The following PRKCQ variants were observed in gnomAD, a reference collection of about 807,000 sequenced individuals.
PRKCQ encodes the protein protein kinase C theta, also known as protein kinase C theta type.
A neutral mutation model predicts 91.2 loss-of-function variants in PRKCQ; 41 were observed. The ratio of observed to expected loss-of-function variants is 0.45; its 90% CI spans 0.35 to 0.58. PRKCQ has a LOEUF of 0.58. Ranked by LOEUF, PRKCQ falls within the 20% of genes least tolerant of loss-of-function variation. PRKCQ has a pLI of 0.00. For synonymous variants in PRKCQ, 307 were observed against 316.9 expected, an observed-to-expected ratio of 0.97 and a Z score of 0.33; for missense variants, 673 against 896.5, an observed-to-expected ratio of 0.75 and a Z score of 3.18.
chr10:6,477,251 A>G (rs1180320807), intron 12 of PRKCQ, among the ~76,000 whole-genome samples: 1 of 152,162 alleles, frequency 6.6e-6, no homozygotes, highest in Admixed American at 6.5e-5. Flanking sequence ...CTTGACTCTT[A>G]TTAGAGTGTG....
chr10:6,498,154 C>G (rs140905007), intron 5 of PRKCQ, among the ~76,000 whole-genome samples: 25 of 152,082 alleles, frequency 1.6e-4, no homozygotes, highest in African/African-American at 3.1e-4. Flanking sequence ...AATAGCCCCC[C>G]CATTGAGGCA....
chr10:6,403,294 C>T, the PRKCQ span, among the ~76,000 whole-genome samples: 245 of 152,310 alleles, frequency 1.6e-3, no homozygotes, highest in Non-Finnish European at 2.6e-3. Context: ...CTAAGGAGTT[C>T]GCTGCCAGTG....
At chr10:6,505,536 CTT>C (rs772043946) in intron 4 of PRKCQ, among the ~76,000 whole-genome samples, 2 of 139,656 alleles carry the variant, frequency 1.4e-5, no homozygotes, top group Non-Finnish European at 3.1e-5. Context: ...CTTTCTTTTT[CTT>C]TCTTTTCTTC....
chr10:6,522,994 A>C (rs1379493064), intron 1 of PRKCQ, among the ~76,000 whole-genome samples: 3 of 152,182 alleles, frequency 2.0e-5, no homozygotes, highest in African/African-American at 7.2e-5. Context: ...ATAAAAAAAA[A>C]CTTTTTCACA....
intron 14 of PRKCQ, among the ~76,000 whole-genome samples, chr10:6,458,341 C>T (rs1351603992): frequency 6.6e-6 from 1 of 152,080 alleles, no homozygotes; most frequent in Non-Finnish European, 1.5e-5. Flanking sequence ...CAGTGAGGAC[C>T]CCTGGAGCCA....
chr10:6,535,711 C>G (rs11259425), intron 1 of PRKCQ, among the ~76,000 whole-genome samples: 17,531 of 152,176 alleles, frequency 0.12, 1,119 homozygotes, highest in African/African-American at 0.15. Context: ...TCCACCTCCC[C>G]TCTTGGTCTT....
chr10:6,494,603 C>A (rs1837493442), intron 7 of PRKCQ, among the ~76,000 whole-genome samples: 1 of 152,168 alleles, frequency 6.6e-6, no homozygotes, highest in African/African-American at 2.4e-5. Context: ...ACCTCTTCTT[C>A]TTCTGGTTTC....
chr10:6,426,744 T>C (rs77079988), downstream of PRKCQ, among the ~76,000 whole-genome samples: 498 of 152,326 alleles, frequency 3.3e-3, 5 homozygotes, highest in African/African-American at 0.011. Flanking sequence ...TTTCCAGCCA[T>C]GTGATGAGGT....
At chr10:6,491,900 GATC>G in intron 7 of PRKCQ, 88 bp from the exon 8 acceptor site, 1 of 1,538,376 alleles carries the variant, frequency 6.5e-7, no homozygotes, top group East Asian at 2.3e-5. Flanking sequence ...AACTAACAGA[GATC>G]ATAATGAAAA....
intron 1 of PRKCQ, among the ~76,000 whole-genome samples, chr10:6,538,587 G>C (rs61841305): frequency 1.3e-5 from 2 of 152,192 alleles, no homozygotes; most frequent in Non-Finnish European, 2.9e-5. Flanking sequence ...CTAAGATAAT[G>C]GGGGCCTTTC....
chr10:6,497,253 T>C lies in PRKCQ; in HGVS notation c.543-2A>G. The C allele has an allele frequency of 6.2e-7, 1 of 1,614,162 alleles. No homozygotes were observed. The highest frequency in any genetic ancestry group is 8.5e-7 in the Non-Finnish European group (1 of 1,180,010). ...TGGTAGCCCTGTTTGTTCAGGCCCC[T>C]GTAATAAAGCACACGCTGATTTATT... is the stretch of plus-strand genomic sequence containing the variant. On this transcript the variant is annotated splice_acceptor_variant, in intron 5 of 17. Coordinates refer to ENST00000263125, the MANE Select transcript of PRKCQ (RefSeq NM_006257.5). LOFTEE classifies it high-confidence loss of function. This position sits in a 1 kb window ranked among gnomAD's most constrained non-coding sequence, Gnocchi z 4.5.
chr10:6,562,225 G>C (rs1372434189), intron 1 of PRKCQ, among the ~76,000 whole-genome samples: 1 of 152,154 alleles, frequency 6.6e-6, no homozygotes, highest in Non-Finnish European at 1.5e-5. Flanking sequence ...CCTCATAAAT[G>C]CCCCGGTCAG....
At chr10:6,410,091 G>T in the PRKCQ span, among the ~76,000 whole-genome samples, 2 of 152,060 alleles carry the variant, frequency 1.3e-5, no homozygotes, top group Non-Finnish European at 2.9e-5. Context: ...CTCAACGAAT[G>T]TCTCCACGCT....
At chr10:6,493,338 G>C (rs1048422923) in intron 7 of PRKCQ, among the ~76,000 whole-genome samples, 1 of 152,196 alleles carries the variant, frequency 6.6e-6, no homozygotes, top group Non-Finnish European at 1.5e-5. Flanking sequence ...TATTTGAACA[G>C]ATTGGATTAA....
chr10:6,490,958 C>T (rs560628147), intron 8 of PRKCQ, among the ~76,000 whole-genome samples: 6 of 152,104 alleles, frequency 3.9e-5, no homozygotes, highest in African/African-American at 1.4e-4. Flanking sequence ...AACGTTATCG[C>T]CTTAGCAACT....
intron 12 of PRKCQ, among the ~76,000 whole-genome samples, chr10:6,470,641 C>A (rs148313035): frequency 7.2e-5 from 11 of 152,104 alleles, no homozygotes; most frequent in Admixed American, 5.2e-4. Flanking sequence ...TGGAGAAGAA[C>A]GATTTTGCCA....
the PRKCQ span, among the ~76,000 whole-genome samples, chr10:6,400,296 TCTC>T: frequency 6.6e-6 from 1 of 152,218 alleles, no homozygotes; most frequent in East Asian, 1.9e-4. Flanking sequence ...GTCTTCCTCA[TCTC>T]CTGCTCTGAA....
intron 14 of PRKCQ, among the ~76,000 whole-genome samples, chr10:6,458,403 G>A (rs1253951752): frequency 1.3e-5 from 2 of 152,150 alleles, no homozygotes; most frequent in Non-Finnish European, 2.9e-5. Context: ...GGCATGTCAT[G>A]CTTACACCCT....
chr10:6,527,126 G>A (rs1354523961), intron 1 of PRKCQ, among the ~76,000 whole-genome samples: 1 of 152,168 alleles, frequency 6.6e-6, no homozygotes, highest in African/African-American at 2.4e-5. Context: ...GAGAAGATGA[G>A]ACATTTTATT....
Sources: gnomAD v4.1 joint callset for allele counts (sites outside exome capture counted in the v4.1 genomes callset) on GRCh38, gnomAD v4.1.1 for gene constraint, Gnocchi (gnomAD v3.1) non-coding constraint, MANE v1.5 for transcripts, NCBI Gene and HGNC (gene_info 2026-07-23, HGNC 2026-07-21) for gene names.